THSD1: variants seen among roughly 807,000 people sequenced by gnomAD.
THSD1 encodes the protein thrombospondin type 1 domain containing 1.
A neutral mutation model predicts 46.3 loss-of-function variants in THSD1; 34 were observed. That is an observed-to-expected ratio of 0.74 (90% CI 0.56 to 0.98). The LOEUF is 0.98. Among genes scored for constraint, THSD1 ranks in the 50% least tolerant of loss-of-function variants. THSD1 has a pLI of 0.00. For synonymous variants in THSD1, 407 were observed against 416.5 expected (o/e 0.98, Z 0.28); for missense variants, 1,023 against 1,058.3 (o/e 0.97, Z 0.46).
At chr13:52,404,324 G>T (rs1296339440) in intron 1 of THSD1, among the ~76,000 whole-genome samples, 1 of 152,156 alleles carries the variant, frequency 6.6e-6, no homozygotes, top group African/African-American at 2.4e-5. Flanking sequence ...GCACAAATTA[G>T]TGGAATTAAG....
rs919610415 is a variant in THSD1 at position 52,385,881 on chromosome 13, C to T, written c.1180+147G>A. On this transcript the variant is annotated intron_variant, in intron 4 of 4. Transcript: ENST00000258613. ...CCGGTCTTAGATACACTAACAAATA[C>T]AGGGTTAGTACAACCAACAGCAATC... is the stretch of plus-strand genomic sequence containing the variant. The T allele has an allele frequency of 4.8e-6, 3 of 625,270 alleles. No individual in the cohort carries two copies. The African/African-American group carries it at 5.5e-5, about 12-fold the overall frequency. 38.7% of individuals were successfully genotyped at this position (625,270 alleles called of 1,614,324 possible).
At chr13:52,399,822 A>G (rs1409019702) in intron 2 of THSD1, among the ~76,000 whole-genome samples, 1 of 152,192 alleles carries the variant, frequency 6.6e-6, no homozygotes, top group Non-Finnish European at 1.5e-5. Flanking sequence ...ATCAGACCCA[A>G]CCTGGTACCT....
intron 3 of THSD1, 62 bp downstream of exon 3, chr13:52,397,170 C>A: frequency 7.1e-7 from 1 of 1,405,566 alleles, no homozygotes; most frequent in African/African-American, 1.4e-5. Context: ...CACCTAAATT[C>A]TAAATAATTT....
intron 2 of THSD1, chr13:52,398,562 G>A (rs1413937784): frequency 2.0e-6 from 2 of 985,250 alleles, no homozygotes; most frequent in African/African-American, 1.7e-5. Flanking sequence ...TTTTAGACAA[G>A]AGAAGTTAGA....
chr13:52,394,240 C>T (rs1231542302), intron 3 of THSD1, among the ~76,000 whole-genome samples: 1 of 152,206 alleles, frequency 6.6e-6, no homozygotes, highest in Admixed American at 6.5e-5. Flanking sequence ...TTAAATGGCC[C>T]CAATTTATTG....
chr13:52,377,556 G>T lies in THSD1; in HGVS notation c.2414C>A (p.Thr805Asn), dbSNP rs771294794. Residue 805 changes from threonine (T) to asparagine (N), a missense_variant, in exon 5 of 5, where the codon ACT becomes AAT. By Grantham distance (65) the Thr-to-Asn change is moderately conservative (BLOSUM62 0). This residue lies in a region of THSD1 where 578 missense variants were observed against 497.4 expected (regional missense o/e 1.16). Coordinates refer to ENST00000258613, the MANE Select transcript of THSD1 (RefSeq NM_018676.4). ...GTCATAGAAGGCAAACTCAGGGTGA[G>T]TGGGGAAGCTTTGACACTTGTCTTT... ...CRKDKCQSFP[T>N]HPEFAFYDNT... The T allele has an allele frequency of 1.1e-5, 18 of 1,602,510 alleles. No individual in the cohort carries two copies. The East Asian group carries it at 4.0e-4, about 36-fold the overall frequency.
chr13:52,400,527 A>C (rs1291630982), intron 2 of THSD1, among the ~76,000 whole-genome samples: 1 of 152,098 alleles, frequency 6.6e-6, no homozygotes, highest in Non-Finnish European at 1.5e-5. Context: ...GAACCCGGGA[A>C]GTGGAGGGTG....
intron 2 of THSD1, among the ~76,000 whole-genome samples, chr13:52,401,852 G>A (rs189240052): frequency 6.6e-6 from 1 of 152,260 alleles, no homozygotes; most frequent in East Asian, 1.9e-4. Flanking sequence ...CTGCTTAGAT[G>A]TCTATGAAAT....
In THSD1 at chr13:52,378,328, T is replaced by C. The variant is rs1176530202; in HGVS notation, c.1642A>G (p.Thr548Ala). 8 of 1,614,220 alleles carry C rather than the reference T, an allele frequency of 5.0e-6. No homozygotes were observed. The highest frequency in any genetic ancestry group is 6.8e-6 in the Non-Finnish European group (8 of 1,180,038). ...KEMKKKGLTETTKVYHVSQSP... is the reference protein window; with the variant it reads ...KEMKKKGLTEATKVYHVSQSP... ...TGAGACACGTGATACACTTTGGTAG[T>C]TTCCGTCAGACCTTTCTTTTTCATC... The change falls in exon 5 of 5, where the codon ACT becomes GCT. Residue 548 changes from threonine to alanine, a missense_variant. This residue lies in a region of THSD1 where 578 missense variants were observed against 497.4 expected (regional missense o/e 1.16). Coordinates refer to ENST00000258613, the MANE Select transcript of THSD1 (RefSeq NM_018676.4).
chr13:52,386,844 G>A (rs1344130426), intron 3 of THSD1, among the ~76,000 whole-genome samples: 1 of 152,166 alleles, frequency 6.6e-6, no homozygotes, highest in East Asian at 1.9e-4. Flanking sequence ...TATCCTAAGA[G>A]CACCAGTTGA....
Position 52,386,248 on chromosome 13 carries a change from C to T in THSD1, c.1022-62G>A, listed in dbSNP as rs1010155230. On this transcript the variant is annotated intron_variant, in intron 3 of 4. Transcript: ENST00000258613. ...ATTTGAGAATCAGTATTTAACTGCA[C>T]CCAAATGAAACAGCAAAACTCAAAT... 6 of 1,530,278 alleles carry T rather than the reference C, an allele frequency of 3.9e-6. No homozygotes were observed. In the African/African-American group the frequency reaches 6.9e-5, roughly 17 times the overall value. 94.8% of individuals were successfully genotyped at this position (1,530,278 alleles called of 1,614,324 possible).
At position 52,377,540 on chromosome 13, in the gene THSD1, G is replaced by A. The variant is rs768362086; in HGVS notation, c.2430C>T (p.Ala810=). The A allele has an allele frequency of 1.1e-5, 18 of 1,600,282 alleles. No homozygotes were observed. Among genetic ancestry groups the A allele is most frequent in the Middle Eastern group, 1.7e-4 (1 of 6,016 alleles). The change falls in exon 5 of 5, where the codon GCC becomes GCT. Residue 810 remains alanine, a synonymous_variant. Transcript: ENST00000258613. The part of the protein sequence containing the change: ...CQSFPTHPEF[A]FYDNTSFGLT... ...GGCCAAACGACGTATTGTCATAGAA[G>A]GCAAACTCAGGGTGAGTGGGGAAGC... is the stretch of plus-strand genomic sequence containing the variant.
intron 4 of THSD1, among the ~76,000 whole-genome samples, chr13:52,380,466 T>C (rs1957683088): frequency 6.7e-6 from 1 of 150,214 alleles, no homozygotes; most frequent in African/African-American, 2.5e-5. Context: ...GGGCATGGTT[T>C]CCCCCAATCC....
intron 2 of THSD1, among the ~76,000 whole-genome samples, chr13:52,399,718 A>G (rs1313909006): frequency 3.3e-5 from 5 of 152,196 alleles, no homozygotes; most frequent in African/African-American, 1.2e-4. Flanking sequence ...TTTTTCTCCA[A>G]TTAAGCAAAA....
In THSD1 at chr13:52,402,545, T is replaced by C. The variant is rs201001397; in HGVS notation, c.56A>G (p.Tyr19Cys). Residue 19 changes from tyrosine to cysteine, a missense_variant and splice_region_variant, in exon 2 of 5, where the codon TAT becomes TGT. Physicochemically the swap from Tyr to Cys is radical, Grantham distance 194. Around this residue, in one of 3 missense-constraint regions of THSD1, gnomAD observed 429 missense variants for 518.3 expected, o/e 0.83. Coordinates refer to ENST00000258613, the MANE Select transcript of THSD1 (RefSeq NM_018676.4). ...SNLLLVVLCD[Y>C]VLGEAEYLLL... Reference sequence around the variant, plus strand: ...TTAAGTATACTCACAATACTCACCATAGTCACAGAGTACCACCAACAATAG... The same window carrying C: ...TTAAGTATACTCACAATACTCACCACAGTCACAGAGTACCACCAACAATAG... The C allele has an allele frequency of 1.1e-4, 171 of 1,613,554 alleles. No individual in the cohort carries two copies. Among genetic ancestry groups the C allele is most frequent in the Middle Eastern group, 6.6e-4 (4 of 6,078 alleles).
chr13:52,387,862 T>A (rs999829601), intron 3 of THSD1, among the ~76,000 whole-genome samples: 1 of 152,140 alleles, frequency 6.6e-6, no homozygotes, highest in Non-Finnish European at 1.5e-5. Flanking sequence ...GTAATTGGAA[T>A]ACCAGGAGAA....
chr13:52,386,930 A>C (rs1957735510), intron 3 of THSD1, among the ~76,000 whole-genome samples: 1 of 152,208 alleles, frequency 6.6e-6, no homozygotes, highest in South Asian at 2.1e-4. Context: ...CTGGACCCAG[A>C]CTATTAGAGA....
intron 4 of THSD1, among the ~76,000 whole-genome samples, chr13:52,380,541 G>A (rs184151669): frequency 6.1e-4 from 92 of 150,334 alleles, no homozygotes; most frequent in Non-Finnish European, 1.2e-3. Flanking sequence ...CCACCTCCTG[G>A]GTTCACGCCA....
intron 3 of THSD1, among the ~76,000 whole-genome samples, chr13:52,395,316 T>C (rs963830791): frequency 1.3e-4 from 20 of 152,008 alleles, no homozygotes; most frequent in Admixed American, 1.0e-3. Flanking sequence ...AGTGGAGAGA[T>C]TGAGACACTC....
Sources: gnomAD v4.1 joint callset for allele counts (sites outside exome capture counted in the v4.1 genomes callset) on GRCh38, gnomAD v4.1.1 for gene constraint, gnomAD v4.1.1 regional missense constraint, MANE v1.5 for transcripts, NCBI Gene and HGNC (gene_info 2026-07-23, HGNC 2026-07-21) for gene names.